Variants in TMSB15B observed in about 807,000 individuals in gnomAD.
The protein encoded by TMSB15B is thymosin beta 15B.
At chrX:103,935,029 C>T (rs782001236) in intron 1 of TMSB15B, among the ~76,000 whole-genome samples, 1 of 112,206 alleles carries the variant, frequency 8.9e-6, no homozygotes, top group Non-Finnish European at 1.9e-5. Context: ...TAATGTTCGC[C>T]ACTCTAACTG....
chrX:103,948,007 G>A (rs1204539892), intron 1 of TMSB15B, among the ~76,000 whole-genome samples: 2 of 111,237 alleles, frequency 1.8e-5, no homozygotes, highest in African/African-American at 6.6e-5. Flanking sequence ...TTTGGGGACA[G>A]GGAGGGGAAC....
chrX:103,940,186 G>T (rs1418355868), intron 1 of TMSB15B, among the ~76,000 whole-genome samples: 4 of 112,439 alleles, frequency 3.6e-5, no homozygotes, highest in Non-Finnish European at 7.5e-5. Flanking sequence ...AGAGCACTGT[G>T]CTGGGAGATC....
At chrX:103,945,588 C>A (rs1357882064) in intron 1 of TMSB15B, among the ~76,000 whole-genome samples, 1 of 112,322 alleles carries the variant, frequency 8.9e-6, no homozygotes, top group Non-Finnish European at 1.9e-5. Context: ...CCCCTCTCAA[C>A]ACTGTTACAC....
At chrX:103,921,944 A>G (rs2147815303) in intron 1 of TMSB15B, among the ~76,000 whole-genome samples, 1 of 112,200 alleles carries the variant, frequency 8.9e-6, no homozygotes, top group East Asian at 2.8e-4. Context: ...TCCAAAGCCC[A>G]TGAAAACTCT....
intron 1 of TMSB15B, among the ~76,000 whole-genome samples, chrX:103,929,901 G>T (rs1295922210): frequency 2.8e-5 from 3 of 108,897 alleles, no homozygotes; most frequent in African/African-American, 1.0e-4. Flanking sequence ...AAGTTTTAGG[G>T]TACATGTGCA....
intron 1 of TMSB15B, among the ~76,000 whole-genome samples, chrX:103,940,028 G>A (rs1461947548): frequency 1.4e-4 from 16 of 111,813 alleles, no homozygotes; most frequent in African/African-American, 5.2e-4. Flanking sequence ...TCCTCTGGAA[G>A]CTTTGTCCCA....
At chrX:103,942,048 C>T (rs1240883480) in intron 1 of TMSB15B, among the ~76,000 whole-genome samples, 2 of 111,676 alleles carry the variant, frequency 1.8e-5, no homozygotes, top group Non-Finnish European at 3.8e-5. Context: ...ATATATCTCT[C>T]CCCACTTTGT....
rs553415283 is a variant in TMSB15B at position 103,939,094 on chromosome X, C to T, written c.-721+19802C>T. Among the ~76,000 whole-genome samples, 251 of 111,535 alleles carry T rather than the reference C, an allele frequency of 2.3e-3. No homozygotes were observed. In the South Asian group the frequency reaches 0.03, roughly 13 times the overall value. ...CTCTGGCTTCCCTTAACATTTTTTC[C>T]TTCATTTCAACCTTGGTGAATCTGA... On this transcript the variant is annotated intron_variant, in intron 1 of 3. Transcript: ENST00000419165.
intron 1 of TMSB15B, chrX:103,928,022 G>C: frequency 1.7e-6 from 1 of 597,975 alleles, no homozygotes. Flanking sequence ...CTTGCCAACG[G>C]AATTAATTGG....
At chrX:103,935,609 C>A (rs1315503550) in intron 1 of TMSB15B, among the ~76,000 whole-genome samples, 2 of 111,138 alleles carry the variant, frequency 1.8e-5, no homozygotes, top group African/African-American at 3.3e-5. Context: ...ATCCTTTCCC[C>A]ATTGCTTTTG....
intron 1 of TMSB15B, among the ~76,000 whole-genome samples, chrX:103,950,356 G>T (rs1391504438): frequency 9.0e-6 from 1 of 110,836 alleles, no homozygotes; most frequent in Non-Finnish European, 1.9e-5. Flanking sequence ...CTACAGCTGG[G>T]GCAGAGTGAG....
intron 1 of TMSB15B, among the ~76,000 whole-genome samples, chrX:103,941,520 A>AT (rs1375761821): frequency 9.0e-6 from 1 of 111,451 alleles, no homozygotes; most frequent in Non-Finnish European, 1.9e-5. Flanking sequence ...ATCATCTGTC[A>AT]TTTTTTTGTC....
At chrX:103,951,035 C>T (rs1255107831) in intron 1 of TMSB15B, among the ~76,000 whole-genome samples, 3 of 111,737 alleles carry the variant, frequency 2.7e-5, no homozygotes, top group African/African-American at 9.8e-5. Flanking sequence ...TGGTTTCTTC[C>T]GAGGCTTCTC....
In TMSB15B at chrX:103,932,558, T is replaced by C. The variant is rs1602437019; in HGVS notation, c.-721+13266T>C. On this transcript the variant is annotated intron_variant, in intron 1 of 3. Transcript: ENST00000419165. Reference sequence around the variant, plus strand: ...TAAAAACTTTATGTATGTTTAAAGCTTGAAGCTATTCAATTATAATATAAA... The same window carrying C: ...TAAAAACTTTATGTATGTTTAAAGCCTGAAGCTATTCAATTATAATATAAA... 2.7e-5 allele frequency: 3 copies of C among 112,477 alleles called. 1 individual carries two copies. In the Admixed American group the frequency reaches 2.8e-4, roughly 11 times the overall value. The allele number at this position is 112,477 out of a possible 1,213,427, so 9.3% of individuals were successfully genotyped here.
At chrX:103,952,230 A>G (rs1556328413) in intron 1 of TMSB15B, among the ~76,000 whole-genome samples, 1 of 111,503 alleles carries the variant, frequency 9.0e-6, no homozygotes, top group Non-Finnish European at 1.9e-5. Context: ...ACTAACAATT[A>G]AGACAGGACA....
At chrX:103,924,924 T>A (rs2074964091) in intron 1 of TMSB15B, among the ~76,000 whole-genome samples, 1 of 111,613 alleles carries the variant, frequency 9.0e-6, no homozygotes, top group African/African-American at 3.3e-5. Flanking sequence ...CCTAGATTAT[T>A]TATGTTGCAC....
At chrX:103,919,634 C>T (rs782253815) in intron 1 of TMSB15B, 1 of 111,896 alleles carries the variant, frequency 8.9e-6, no homozygotes, top group Non-Finnish European at 1.9e-5. Flanking sequence ...AAAGGCTACC[C>T]CTTGCCAACA....
At chrX:103,951,688 G>A (rs1435653404) in intron 1 of TMSB15B, among the ~76,000 whole-genome samples, 1 of 111,307 alleles carries the variant, frequency 9.0e-6, no homozygotes, top group Non-Finnish European at 1.9e-5. Flanking sequence ...CACAAAGTGC[G>A]AGAGGGGCAG....
intron 1 of TMSB15B, among the ~76,000 whole-genome samples, chrX:103,929,899 G>C (rs1391490998): frequency 1.3e-4 from 14 of 109,097 alleles, no homozygotes; most frequent in African/African-American, 4.7e-4. Flanking sequence ...TTAAGTTTTA[G>C]GGTACATGTG....
Sources: gnomAD v4.1 joint callset for allele counts (sites outside exome capture counted in the v4.1 genomes callset) on GRCh38, gnomAD v4.1.1 for gene constraint, MANE v1.5 for transcripts, NCBI Gene and HGNC (gene_info 2026-07-23, HGNC 2026-07-21) for gene names.